The following LRP1B variants were observed in gnomAD, a reference collection of about 807,000 sequenced individuals.
LRP1B encodes low-density lipoprotein receptor-related protein 1B.
LRP1B carries 217 observed loss-of-function variants against 556.6 expected under a neutral mutation model. The ratio of observed to expected loss-of-function variants is 0.39; its 90% CI spans 0.35 to 0.44. The LOEUF (loss-of-function observed/expected upper bound fraction) is 0.44. Ranked by LOEUF, LRP1B falls within the 20% of genes least tolerant of loss-of-function variation. The pLI, the probability that LRP1B is intolerant of heterozygous loss-of-function variation, is 1.00. For missense variants in LRP1B, 5,053 were observed against 5,620.8 expected (o/e 0.90, Z 3.23); for synonymous variants, 2,047 against 1,865.8 (o/e 1.10, Z -2.50).
chr2:141,810,149 GAA>G lies in LRP1B; in HGVS notation c.205+128_205+129del, dbSNP rs890352448. On this transcript the variant is annotated intron_variant, in intron 2 of 90. Coordinates refer to ENST00000389484, the MANE Select transcript of LRP1B (RefSeq NM_018557.3). ...AGAAAGAAAGAAAGAAAGAAAGAAA[GAA>G]AGAAAGAAAGAAAGAAGGAAAGAAA... 31 of 453,976 alleles carry G rather than the reference GAA, an allele frequency of 6.8e-5. 1 individual carries two copies. Among genetic ancestry groups the G allele is most frequent in the East Asian group, 5.3e-4 (12 of 22,734 alleles). 28.1% of individuals were successfully genotyped at this position (453,976 alleles called of 1,614,324 possible).
At chr2:141,994,544 G>A (rs1702435000) in intron 1 of LRP1B, among the ~76,000 whole-genome samples, 1 of 152,140 alleles carries the variant, frequency 6.6e-6, no homozygotes, top group African/African-American at 2.4e-5. Context: ...ATGTGTGCAT[G>A]TTGTGTATTT....
At chr2:140,870,955 A>G (rs1693110148) in intron 25 of LRP1B, among the ~76,000 whole-genome samples, 2 of 152,164 alleles carry the variant, frequency 1.3e-5, no homozygotes, top group South Asian at 2.1e-4. Flanking sequence ...ACAAATATGA[A>G]ATGATTAGAG....
At chr2:140,764,915 A>T (rs1689049053) in intron 35 of LRP1B, among the ~76,000 whole-genome samples, 1 of 152,156 alleles carries the variant, frequency 6.6e-6, no homozygotes, top group African/African-American at 2.4e-5. Flanking sequence ...TTACTATGTG[A>T]TGGTGTAAAA....
chr2:141,367,533 A>T (rs1174706194), intron 3 of LRP1B, among the ~76,000 whole-genome samples: 1 of 110,994 alleles, frequency 9.0e-6, no homozygotes, highest in African/African-American at 3.6e-5. Flanking sequence ...CCCAGGCTGG[A>T]GGGCAGTGGC....
At chr2:141,514,251 T>G (rs1684230207) in intron 2 of LRP1B, among the ~76,000 whole-genome samples, 1 of 152,126 alleles carries the variant, frequency 6.6e-6, no homozygotes, top group Non-Finnish European at 1.5e-5. Context: ...AACCTACCAG[T>G]TGGAACTCCC....
At chr2:141,469,873 A>T (rs1462728029) in intron 3 of LRP1B, among the ~76,000 whole-genome samples, 1 of 152,194 alleles carries the variant, frequency 6.6e-6, no homozygotes, top group Non-Finnish European at 1.5e-5. Flanking sequence ...GAAAATAGGT[A>T]AATATAGTAC....
At chr2:140,725,438 G>A (rs1340257521) in intron 35 of LRP1B, among the ~76,000 whole-genome samples, 1 of 149,012 alleles carries the variant, frequency 6.7e-6, no homozygotes, top group Non-Finnish European at 1.5e-5. Flanking sequence ...CATGTCATAA[G>A]GACATTTATT....
intron 2 of LRP1B, among the ~76,000 whole-genome samples, chr2:141,751,274 T>C (rs2105567666): frequency 6.6e-6 from 1 of 152,202 alleles, no homozygotes; most frequent in East Asian, 1.9e-4. Flanking sequence ...TTGTAGAATT[T>C]AAAAATTTCA....
chr2:141,859,507 T>C (rs975643916), intron 1 of LRP1B, among the ~76,000 whole-genome samples: 7 of 152,172 alleles, frequency 4.6e-5, no homozygotes, highest in Non-Finnish European at 1.0e-4. Flanking sequence ...AATTTTTTCA[T>C]CAAATAGTTT....
At position 140,782,274 on chromosome 2, in the gene LRP1B, C is replaced by T. The variant is rs141085889; in HGVS notation, c.5360-6036G>A. Among the ~76,000 whole-genome samples the T allele has an allele frequency of 7.2e-5, 11 of 152,212 alleles. No individual in the cohort carries two copies. In the East Asian group the frequency reaches 2.1e-3, roughly 29 times the overall value. On this transcript the variant is annotated intron_variant, in intron 32 of 90. Coordinates refer to ENST00000389484, the MANE Select transcript of LRP1B (RefSeq NM_018557.3). ...ATTCATATGCTAAATTCTTAAGTCC[C>T]AGTACTTCAGACTGAGACTGTATTT...
intron 2 of LRP1B, among the ~76,000 whole-genome samples, chr2:141,713,934 A>G (rs543509466): frequency 1.3e-5 from 2 of 152,266 alleles, no homozygotes; most frequent in South Asian, 4.1e-4. Flanking sequence ...TGGCACCCAG[A>G]TCTGCCAAAT....
intron 35 of LRP1B, among the ~76,000 whole-genome samples, chr2:140,725,455 G>A (rs1687559811): frequency 6.9e-6 from 1 of 145,784 alleles, no homozygotes; most frequent in South Asian, 2.2e-4. Context: ...TATTATAATA[G>A]CGTAAAAACT....
At chr2:140,643,321 T>C (rs1485517367) in intron 41 of LRP1B, among the ~76,000 whole-genome samples, 1 of 152,172 alleles carries the variant, frequency 6.6e-6, no homozygotes, top group African/African-American at 2.4e-5. Context: ...ATTTGCTTTC[T>C]GTCTACACTT....
At chr2:142,120,350 G>C (rs1707417317) in intron 1 of LRP1B, among the ~76,000 whole-genome samples, 1 of 152,142 alleles carries the variant, frequency 6.6e-6, no homozygotes, top group African/African-American at 2.4e-5. Flanking sequence ...GCCTTCAGGT[G>C]ATCTGCCCAC....
At chr2:140,361,261 C>A (rs1355052921) in intron 72 of LRP1B, among the ~76,000 whole-genome samples, 1 of 137,976 alleles carries the variant, frequency 7.2e-6, no homozygotes, top group South Asian at 2.3e-4. Context: ...ATCTGGGAAG[C>A]CAGAAATGTT....
rs147726186 is a variant in LRP1B, at chr2:140,405,368, A to G, written c.10415-19359T>C. On this transcript the variant is annotated intron_variant, in intron 66 of 90. Transcript: ENST00000389484. The stretch of plus-strand genomic sequence containing the variant: ...GAAGAAAAGAAATAACAAAAATCGG[A>G]GCAGAATTTAAGGAAATTGAAACAA... 8.8e-4 allele frequency among the ~76,000 whole-genome samples: 134 copies of G among 152,296 alleles called. 1 individual carries two copies. The East Asian group carries it at 0.022, about 25-fold the overall frequency.
At chr2:142,017,430 T>C (rs146208368) in intron 1 of LRP1B, among the ~76,000 whole-genome samples, 1 of 152,308 alleles carries the variant, frequency 6.6e-6, no homozygotes, top group East Asian at 1.9e-4. Flanking sequence ...CCCAATGATA[T>C]ATGTTGCATT....
At chr2:141,214,888 T>C (rs945124474) in intron 6 of LRP1B, among the ~76,000 whole-genome samples, 19 of 152,316 alleles carry the variant, frequency 1.2e-4, no homozygotes, top group African/African-American at 4.3e-4. Flanking sequence ...GTTTTCTGAA[T>C]GTCTAAGGTC....
intron 32 of LRP1B, among the ~76,000 whole-genome samples, chr2:140,790,848 C>T (rs1352168730): frequency 6.6e-6 from 1 of 152,114 alleles, no homozygotes; most frequent in Non-Finnish European, 1.5e-5. Context: ...CACCTGTAAT[C>T]CCAGAACTTT....
Sources: gnomAD v4.1 joint callset for allele counts (sites outside exome capture counted in the v4.1 genomes callset) on GRCh38, gnomAD v4.1.1 for gene constraint, MANE v1.5 for transcripts, NCBI Gene and HGNC (gene_info 2026-07-23, HGNC 2026-07-21) for gene names.